Variants in TARBP1 observed in about 807,000 individuals in gnomAD.
TARBP1 encodes the protein tRNA (guanosine(18)-2'-O)-methyltransferase TARBP1.
A neutral mutation model predicts 178.6 loss-of-function variants in TARBP1; 144 were observed. The observed-to-expected ratio is 0.81, with a 90% CI of 0.70 to 0.93. The LOEUF (loss-of-function observed/expected upper bound fraction) is 0.93. Ranked by LOEUF, TARBP1 falls within the 40% of genes least tolerant of loss-of-function variation. TARBP1 has a pLI of 0.00. For missense variants in TARBP1, 2,067 were observed against 2,011.7 expected (o/e 1.03, Z -0.53); for synonymous variants, 787 against 781.0 (o/e 1.01, Z -0.13).
chr1:234,437,443 A>G, intron 12 of TARBP1, 71 bp from the exon 13 acceptor site: 1 of 695,272 alleles, frequency 1.4e-6, no homozygotes, highest in Non-Finnish European at 2.4e-6. Context: ...CAGATATTCT[A>G]GTAAATGTAC....
chr1:234,467,763 CAAG>C (rs1225530122), intron 3 of TARBP1, 113 bp from the exon 4 acceptor site: 1 of 1,122,336 alleles, frequency 8.9e-7, no homozygotes, highest in Non-Finnish European at 1.2e-6. Flanking sequence ...TATAACACTA[CAAG>C]AAGTTTTTGT....
chr1:234,459,811 C>CA (rs879670903), intron 7 of TARBP1, among the ~76,000 whole-genome samples: 222 of 133,512 alleles, frequency 1.7e-3, no homozygotes, highest in Middle Eastern at 3.8e-3. Context: ...GACTCCAGCT[C>CA]AAAAAAAAAA....
chr1:234,442,508 C>A (rs558965063), intron 12 of TARBP1, among the ~76,000 whole-genome samples: 1 of 152,258 alleles, frequency 6.6e-6, no homozygotes, highest in South Asian at 2.1e-4. Context: ...TCATGAGTCA[C>A]TTGCCAGGTC....
At chr1:234,427,519 T>C (rs771624172) in intron 18 of TARBP1, 57 bp downstream of exon 18, 3 of 1,504,848 alleles carry the variant, frequency 2.0e-6, no homozygotes, top group African/African-American at 1.4e-5. Context: ...CATAATTCTA[T>C]ACCCAAGTAG....
intron 18 of TARBP1, 58 bp from the exon 19 acceptor site, chr1:234,427,446 A>G: frequency 6.7e-7 from 1 of 1,494,304 alleles, no homozygotes; most frequent in Non-Finnish European, 9.1e-7. Context: ...AAAAAATTAA[A>G]TCCCCAAGGT....
Position 234,392,534 on chromosome 1 carries a change from T to C in TARBP1, c.4579A>G (p.Ile1527Val), listed in dbSNP as rs1397629970. The C allele has an allele frequency of 6.2e-7, 1 of 1,614,076 alleles. No homozygotes were observed. Among genetic ancestry groups the C allele is most frequent in the South Asian group, 1.1e-5 (1 of 91,060 alleles). Residue 1527 changes from isoleucine (I) to valine (V), a missense_variant, in exon 29 of 30, where the codon ATT becomes GTT. Physicochemically the swap from Ile to Val is conservative, Grantham distance 29. Transcript: ENST00000040877. ...PLVEVKPPQL[I>V]DYLQQKKTEG... ...GTTTTCTTCTGCTGCAGATAATCAA[T>C]TAGCTGAGGTGGTTTTACCTGAATA...
intron 6 of TARBP1, among the ~76,000 whole-genome samples, chr1:234,460,605 T>C (rs1667755974): frequency 6.6e-6 from 1 of 152,184 alleles, no homozygotes; most frequent in Non-Finnish European, 1.5e-5. Flanking sequence ...CTGGTGGGAA[T>C]GTAAAACGGT....
chr1:234,419,783 C>G (rs58327301), intron 21 of TARBP1, among the ~76,000 whole-genome samples: 2,096 of 152,222 alleles, frequency 0.014, 44 homozygotes, highest in African/African-American at 0.048. Context: ...CCCCACCCCC[C>G]ACATCCATCA....
chr1:234,393,239 AAGAT>A (rs1414567577), intron 28 of TARBP1, 119 bp downstream of exon 28: 44 of 1,065,802 alleles, frequency 4.1e-5, no homozygotes, highest in East Asian at 5.5e-5. Context: ...CTAATACACA[AAGAT>A]AGAGCACTAT....
In TARBP1 at chr1:234,428,408, C is replaced by T. The variant is rs79076081; in HGVS notation, c.3061-642G>A. 5.6e-3 allele frequency among the ~76,000 whole-genome samples: 856 copies of T among 152,182 alleles called. 8 individuals carry two copies. Among genetic ancestry groups the T allele is most frequent in the African/African-American group, 0.019 (792 of 41,504 alleles). On this transcript the variant is annotated intron_variant, in intron 17 of 29. Coordinates refer to ENST00000040877, the MANE Select transcript of TARBP1 (RefSeq NM_005646.4). ...CGCCTGACATTTGCCTTCAAGTATC[C>T]GGGTGAAATGAGACTGATTGTGGAA...
At chr1:234,467,085 C>G (rs1042306644) in intron 4 of TARBP1, among the ~76,000 whole-genome samples, 1 of 152,184 alleles carries the variant, frequency 6.6e-6, no homozygotes, top group Non-Finnish European at 1.5e-5. Flanking sequence ...AAGGCAATCC[C>G]TATTTCATAT....
intron 3 of TARBP1, among the ~76,000 whole-genome samples, chr1:234,469,751 T>C (rs866300600): frequency 1.3e-5 from 2 of 152,374 alleles, no homozygotes; most frequent in Middle Eastern, 6.8e-3. Context: ...CTTAATTTTA[T>C]AAAATACATT....
At chr1:234,477,120 G>A (rs549403678) in intron 1 of TARBP1, among the ~76,000 whole-genome samples, 1 of 152,366 alleles carries the variant, frequency 6.6e-6, no homozygotes, top group East Asian at 1.9e-4. Context: ...GGGAAGTGCA[G>A]GTTGCGGTGA....
At chr1:234,468,391 T>G (rs1668675282) in intron 3 of TARBP1, among the ~76,000 whole-genome samples, 1 of 152,006 alleles carries the variant, frequency 6.6e-6, no homozygotes, top group Admixed American at 6.5e-5. Context: ...ACCCTTGAAC[T>G]TGGGAGGCGG....
At chr1:234,414,429 GCAC>G (rs1274245875) in intron 22 of TARBP1, among the ~76,000 whole-genome samples, 1 of 152,146 alleles carries the variant, frequency 6.6e-6, no homozygotes, top group Non-Finnish European at 1.5e-5. Context: ...CTCTAGAGAA[GCAC>G]CACCATTTAA....
chr1:234,420,656 T>C (rs753440728), intron 21 of TARBP1, 46 bp downstream of exon 21: 7 of 1,271,628 alleles, frequency 5.5e-6, no homozygotes, highest in Admixed American at 4.3e-5. Context: ...AGTTCAGTCA[T>C]GAAATCATAT....
At chr1:234,420,839 C>G in intron 20 of TARBP1, 27 bp from the exon 21 acceptor site, 1 of 1,291,446 alleles carries the variant, frequency 7.7e-7, no homozygotes, top group Non-Finnish European at 1.1e-6. Flanking sequence ...AGGGAGTCAA[C>G]ATTAAATTAT....
At chr1:234,418,357 C>T (rs1032259846) in intron 21 of TARBP1, 124 bp from the exon 22 acceptor site, 2 of 757,868 alleles carry the variant, frequency 2.6e-6, no homozygotes, top group African/African-American at 1.9e-5. Context: ...TACAACTCTC[C>T]GAGCAAAGAC....
intron 13 of TARBP1, among the ~76,000 whole-genome samples, chr1:234,434,246 T>C (rs944589709): frequency 6.6e-6 from 1 of 152,216 alleles, no homozygotes; most frequent in Non-Finnish European, 1.5e-5. Flanking sequence ...ATAGAGATAG[T>C]AATATTTATC....
Sources: gnomAD v4.1 joint callset for allele counts (sites outside exome capture counted in the v4.1 genomes callset) on GRCh38, gnomAD v4.1.1 for gene constraint, MANE v1.5 for transcripts, NCBI Gene and HGNC (gene_info 2026-07-23, HGNC 2026-07-21) for gene names.